The following ILDR2 variants were observed in gnomAD, a reference collection of about 807,000 sequenced individuals.
The protein encoded by ILDR2 is immunoglobulin-like domain-containing receptor 2.
ILDR2 carries 25 observed loss-of-function variants against 66.8 expected under a neutral mutation model. The observed-to-expected ratio is 0.37, with a 90% CI of 0.27 to 0.52. The LOEUF (loss-of-function observed/expected upper bound fraction) is 0.52. ILDR2 is among the 20% of genes least tolerant of loss of function. The pLI is 0.88. For missense variants in ILDR2, 827 were observed against 876.8 expected, an observed-to-expected ratio of 0.94 and a Z score of 0.72; for synonymous variants, 367 against 357.2, an observed-to-expected ratio of 1.03 and a Z score of -0.31.
chr1:166,956,860 C>T lies in ILDR2; in HGVS notation c.380-8G>A. 1.2e-6 allele frequency: 2 copies of T among 1,612,218 alleles called. No individual in the cohort carries two copies. Among genetic ancestry groups the T allele is most frequent in the Non-Finnish European group, 1.7e-6 (2 of 1,179,296 alleles). ...CAATTTGAAGATCTGCATCTGTTAT[C>T]ACAAAAAGAAGGACTCAGTCCTAAA... On this transcript the variant is annotated splice_polypyrimidine_tract_variant and splice_region_variant and intron_variant, in intron 2 of 9. Transcript: ENST00000271417.
chr1:166,922,807 T>C lies in ILDR2; in HGVS notation c.997A>G (p.Asn333Asp), dbSNP rs933400008. The C allele has an allele frequency of 3.1e-6, 5 of 1,613,492 alleles. No homozygotes were observed. The highest frequency in any genetic ancestry group is 3.3e-5 in the Admixed American group (2 of 60,010). Residue 333 changes from asparagine (N) to aspartate (D), a missense_variant and splice_region_variant, in exon 8 of 10, where the codon AAC becomes GAC. Coordinates refer to ENST00000271417, the MANE Select transcript of ILDR2 (RefSeq NM_199351.3). The part of the protein sequence containing the change: ...DPARRMRGRY[N>D]NTISELSSLH... The stretch of plus-strand genomic sequence containing the variant: ...GAGCTGAGTTCTGAGATGGTGTTGT[T>C]ATCTGCAGGGACAAAATCAGGCATG...
At chr1:166,973,296 C>T (rs1663408486) in intron 1 of ILDR2, among the ~76,000 whole-genome samples, 1 of 152,122 alleles carries the variant, frequency 6.6e-6, no homozygotes, top group African/African-American at 2.4e-5. Context: ...CAGCAAAAAG[C>T]CCAGAGAGGC....
In ILDR2 at chr1:166,921,777, GAC is replaced by G. The variant is rs1446901736; in HGVS notation, c.1212-400_1212-399del. 1.3e-5 allele frequency among the ~76,000 whole-genome samples: 2 copies of G among 152,304 alleles called. No individual in the cohort carries two copies. Among genetic ancestry groups the G allele is most frequent in the Middle Eastern group, 3.4e-3 (1 of 294 alleles). ...CCCAGGAGTCCCTGTAATGTGTGGT[GAC>G]ACACAGAGAGGCCTTTTCTTCCCTC... On this transcript the variant is annotated intron_variant, in intron 8 of 9. Coordinates refer to ENST00000271417, the MANE Select transcript of ILDR2 (RefSeq NM_199351.3). The surrounding 1 kb of genome is among the most constrained non-coding windows in gnomAD (Gnocchi z 5.3).
chr1:166,948,620 C>G (rs11588176), intron 3 of ILDR2, among the ~76,000 whole-genome samples: 8,296 of 152,270 alleles, frequency 0.054, 335 homozygotes, highest in East Asian at 0.18. Flanking sequence ...AAGATTTCCA[C>G]TGGGCTGATT....
chr1:166,975,148 G>A (rs1022411352), intron 1 of ILDR2, 75 bp downstream of exon 1: 21 of 1,260,576 alleles, frequency 1.7e-5, no homozygotes, highest in East Asian at 2.3e-5. Flanking sequence ...AAATGGGGGG[G>A]CGGGGGGCGC....
intron 1 of ILDR2, among the ~76,000 whole-genome samples, chr1:166,964,756 T>G (rs1662830068): frequency 1.3e-5 from 2 of 152,176 alleles, no homozygotes; most frequent in South Asian, 4.1e-4. Flanking sequence ...AGACAATGTC[T>G]CGCTGCATGT....
intron 2 of ILDR2, among the ~76,000 whole-genome samples, chr1:166,900,605 G>A (rs1367524413): frequency 1.3e-5 from 2 of 152,198 alleles, no homozygotes; most frequent in East Asian, 3.8e-4. Flanking sequence ...AGCTCAGAAA[G>A]GCTACATAAC....
chr1:166,922,540 C>T (rs1660012690), intron 8 of ILDR2, 53 bp downstream of exon 8: 2 of 1,479,514 alleles, frequency 1.4e-6, no homozygotes, highest in Admixed American at 1.7e-5. Context: ...TCTACCCTGC[C>T]TTCCAGCTCC....
chr1:166,920,759 G>A lies in ILDR2; in HGVS notation c.1832C>T (p.Pro611Leu), dbSNP rs756001347. The A allele has an allele frequency of 6.7e-6, 10 of 1,490,122 alleles. No individual in the cohort carries two copies. Among genetic ancestry groups the A allele is most frequent in the Non-Finnish European group, 8.9e-6 (10 of 1,120,082 alleles). The allele number at this position is 1,490,122 out of a possible 1,614,324, so 92.3% of individuals were successfully genotyped here. Residue 611 changes from proline to leucine, a missense_variant, in exon 9 of 10, where the codon CCC becomes CTC. Around this residue, in one of 2 missense-constraint regions of ILDR2, gnomAD observed 390 missense variants for 353.6 expected, o/e 1.10. Transcript: ENST00000271417. ...CTTCTTCTCCGAGTTGCTGTGGTAG[G>A]GCAGGTCGCGGCCGCGGTAGGACGG... The part of the protein sequence containing the change: ...RGPSYRGRDL[P>L]YHSNSEKKRK...
chr1:166,900,680 G>A (rs1221406105), intron 2 of ILDR2, among the ~76,000 whole-genome samples: 1 of 152,122 alleles, frequency 6.6e-6, no homozygotes, highest in Non-Finnish European at 1.5e-5. Context: ...TCTGACTCTG[G>A]GACTTGGACA....
chr1:166,922,538 G>A, intron 8 of ILDR2, 55 bp downstream of exon 8: 3 of 1,444,204 alleles, frequency 2.1e-6, no homozygotes, highest in Non-Finnish European at 2.9e-6. Context: ...GATCTACCCT[G>A]CCTTCCAGCT....
chr1:166,935,410 G>A lies in ILDR2; in HGVS notation c.771C>T (p.Tyr257=), dbSNP rs760694726. The change falls in exon 6 of 10, where the codon TAC becomes TAT. Residue 257 remains tyrosine, a synonymous_variant. Coordinates refer to ENST00000271417, the MANE Select transcript of ILDR2 (RefSeq NM_199351.3). ...PPSVSGVPGP[Y]SIPSVPLGGA... ...CTCCCAAAGGGACAGAGGGGATGGA[G>A]TAAGGGCCGGGGACACCGGAGACAG... The A allele has an allele frequency of 1.2e-6, 2 of 1,613,944 alleles. No individual in the cohort carries two copies. The highest frequency in any genetic ancestry group is 2.2e-5 in the South Asian group (2 of 91,056).
chr1:166,922,355 G>A (rs1238319595), intron 8 of ILDR2, among the ~76,000 whole-genome samples: 2 of 152,122 alleles, frequency 1.3e-5, no homozygotes, highest in Non-Finnish European at 2.9e-5. Context: ...TTCATTAAAG[G>A]GTCTAGGGGA....
rs542353158 is a variant in ILDR2 at position 166,916,286 on chromosome 1, G to A, written c.*3069C>T. The A allele has an allele frequency of 6.6e-6, 1 of 152,076 alleles. No individual in the cohort carries two copies. The highest frequency in any genetic ancestry group is 1.9e-4 in the East Asian group (1 of 5,188). The allele number at this position is 152,076 out of a possible 1,614,324, so 9.4% of individuals were successfully genotyped here. A position where few individuals can be genotyped will look rare whatever the true frequency, so the allele number is the denominator to read the frequency against. ...CAAGTCTATGTTTAAATAAGATGATGGACAAACACATACAACACTTTAATA... is the reference window on the plus strand; with the variant it reads ...CAAGTCTATGTTTAAATAAGATGATAGACAAACACATACAACACTTTAATA... On this transcript the variant is annotated 3_prime_UTR_variant, in exon 10 of 10. Transcript: ENST00000271417.
intron 2 of ILDR2, among the ~76,000 whole-genome samples, chr1:166,901,387 G>A (rs1442449145): frequency 3.3e-5 from 5 of 152,122 alleles, no homozygotes; most frequent in Admixed American, 3.3e-4. Flanking sequence ...GGCCAACTAT[G>A]AACAGCTTTT....
intron 6 of ILDR2, among the ~76,000 whole-genome samples, chr1:166,932,836 T>C (rs1660714332): frequency 6.6e-6 from 1 of 152,264 alleles, no homozygotes; most frequent in African/African-American, 2.4e-5. Context: ...TGAAGTAGTA[T>C]ATAAATATAA....
Position 166,956,740 on chromosome 1 carries a change from C to G in ILDR2, c.492G>C (p.Leu164=). 6.2e-7 allele frequency: 1 copy of G among 1,613,774 alleles called. No individual in the cohort carries two copies. Among genetic ancestry groups the G allele is most frequent in the East Asian group, 2.2e-5 (1 of 44,882 alleles). ...EGKNEDSVEL[L]VLGRTGLLAD... Reference sequence around the variant, plus strand: ...CCTGTTGTTTTCACTTACCCAACACCAGCAGTTCCACTGAGTCCTCATTTT... The same window carrying G: ...CCTGTTGTTTTCACTTACCCAACACGAGCAGTTCCACTGAGTCCTCATTTT... Residue 164 remains leucine (L), a synonymous_variant, in exon 3 of 10, where the codon CTG becomes CTC. Transcript: ENST00000271417.
chr1:166,953,376 A>C (rs1662100423), intron 3 of ILDR2, among the ~76,000 whole-genome samples: 1 of 152,096 alleles, frequency 6.6e-6, no homozygotes, highest in Admixed American at 6.5e-5. Context: ...CAACTTTTCC[A>C]TCCTTACCTT....
At chr1:166,905,581 C>T (rs1181608408), downstream of ILDR2, among the ~76,000 whole-genome samples, 4 of 152,150 alleles carry the variant, frequency 2.6e-5, no homozygotes, top group East Asian at 1.9e-4. Flanking sequence ...GGATGTTTTC[C>T]AGGCCCCTCT....
Sources: gnomAD v4.1 joint callset for allele counts (sites outside exome capture counted in the v4.1 genomes callset) on GRCh38, gnomAD v4.1.1 for gene constraint, gnomAD v4.1.1 regional missense constraint, Gnocchi (gnomAD v3.1) non-coding constraint, MANE v1.5 for transcripts, NCBI Gene and HGNC (gene_info 2026-07-23, HGNC 2026-07-21) for gene names.